IQCK: variants seen among roughly 807,000 people sequenced by gnomAD.
IQCK encodes IQ motif containing K, also known as IQ domain-containing protein K.
IQCK carries 29 observed loss-of-function variants against 28.1 expected under a neutral mutation model. The observed-to-expected ratio is 1.03, with a 90% CI of 0.77 to 1.41. IQCK has a LOEUF of 1.41. Ranked by LOEUF, IQCK falls within the 40% of genes most tolerant of loss-of-function variation. IQCK has a pLI of 0.00. For missense variants in IQCK, 359 were observed against 314.7 expected (o/e 1.14, Z -1.07); for synonymous variants, 113 against 115.1 (o/e 0.98, Z 0.12).
intron 4 of IQCK, 44 bp from the exon 5 acceptor site, chr16:19,763,804 T>G: frequency 7.1e-7 from 1 of 1,412,252 alleles, no homozygotes; most frequent in Non-Finnish European, 1.0e-6. Flanking sequence ...AAATCCATAG[T>G]GTTTAAGGGT....
intron 9 of IQCK, among the ~76,000 whole-genome samples, chr16:19,849,319 G>A (rs1425870446): frequency 1.3e-5 from 2 of 150,268 alleles, no homozygotes; most frequent in Non-Finnish European, 1.5e-5. Context: ...AGCAATAGAT[G>A]TAATTTTGGA....
Position 19,718,695 on chromosome 16 carries a change from T to G in IQCK, c.181+208T>G, listed in dbSNP as rs375015072. On this transcript the variant is annotated intron_variant, in intron 1 of 7. Transcript: ENST00000564186. ...TACGCAGCGCGGACTCCAATCGCGA[T>G]CCGTAGTGAGGTTAAAGGCAAGGGA... Among the ~76,000 whole-genome samples the G allele has an allele frequency of 5.9e-5, 9 of 152,222 alleles. No individual in the cohort carries two copies. In the South Asian group the frequency reaches 1.7e-3, roughly 28 times the overall value.
At chr16:19,855,909 A>T (rs1367237099) in intron 9 of IQCK, among the ~76,000 whole-genome samples, 1 of 152,310 alleles carries the variant, frequency 6.6e-6, no homozygotes, top group African/African-American at 2.4e-5. Flanking sequence ...CTGGGTTTCC[A>T]TATTTAATTG....
chr16:19,856,111 TGGGTGGCTGGAGAACA>T (rs2056556810), intron 9 of IQCK, among the ~76,000 whole-genome samples: 1 of 152,190 alleles, frequency 6.6e-6, no homozygotes, highest in South Asian at 2.1e-4. Flanking sequence ...TTTTCCATTT[TGGGTGGCTGGAGAACA>T]GGGTGTGTGG....
intron 1 of IQCK, among the ~76,000 whole-genome samples, chr16:19,719,836 G>A (rs1010829978): frequency 6.6e-6 from 1 of 151,658 alleles, no homozygotes; most frequent in Non-Finnish European, 1.5e-5. Context: ...ATCATTCCTG[G>A]CTAATTTTTT....
chr16:19,846,735 C>T (rs934978863), intron 9 of IQCK, among the ~76,000 whole-genome samples: 16 of 152,186 alleles, frequency 1.1e-4, no homozygotes, highest in African/African-American at 3.4e-4. Flanking sequence ...CTGACATTTA[C>T]GCCCTGAATG....
intron 7 of IQCK, among the ~76,000 whole-genome samples, chr16:19,808,832 T>G (rs560732219): frequency 4.9e-4 from 75 of 152,210 alleles, no homozygotes; most frequent in Admixed American, 9.8e-4. Context: ...TGCCTGGGGT[T>G]AGCACCAGCC....
At chr16:19,735,328 G>A (rs758161087) in intron 3 of IQCK, 25 bp from the exon 4 acceptor site, 2 of 1,548,980 alleles carry the variant, frequency 1.3e-6, no homozygotes, top group Non-Finnish European at 1.8e-6. Flanking sequence ...GATTTGCAGG[G>A]GGAATTTTTG....
chr16:19,778,846 T>C (rs1416898264), intron 6 of IQCK, among the ~76,000 whole-genome samples: 5 of 152,108 alleles, frequency 3.3e-5, no homozygotes, highest in Non-Finnish European at 4.4e-5. Flanking sequence ...CCAGACCTTG[T>C]AAATATATAT....
chr16:19,755,399 A>C (rs1243520978), intron 4 of IQCK, among the ~76,000 whole-genome samples: 1 of 152,228 alleles, frequency 6.6e-6, no homozygotes, highest in East Asian at 1.9e-4. Flanking sequence ...AACTAGTCCT[A>C]TCAGATTCTC....
chr16:19,839,074 A>G (rs2056333547), intron 9 of IQCK, among the ~76,000 whole-genome samples: 1 of 148,382 alleles, frequency 6.7e-6, no homozygotes, highest in Admixed American at 6.8e-5. Context: ...CTTTCAGGGG[A>G]GGAAACTGTG....
chr16:19,783,490 C>T (rs1422635133), intron 6 of IQCK, among the ~76,000 whole-genome samples: 1 of 152,124 alleles, frequency 6.6e-6, no homozygotes, highest in Admixed American at 6.6e-5. Context: ...CAGCTGTCTC[C>T]TTCTGTGATT....
chr16:19,849,186 A>G (rs1874569195), intron 9 of IQCK, among the ~76,000 whole-genome samples: 1 of 151,566 alleles, frequency 6.6e-6, no homozygotes. Context: ...TTGTATAGCA[A>G]TACAGGTATA....
intron 6 of IQCK, among the ~76,000 whole-genome samples, chr16:19,770,150 A>G (rs1331954957): frequency 1.3e-5 from 2 of 152,204 alleles, no homozygotes; most frequent in Non-Finnish European, 2.9e-5. Flanking sequence ...CCCACATTGA[A>G]TGTATGGATT....
intron 3 of IQCK, 175 bp downstream of exon 3, chr16:19,734,002 T>C: frequency 1.7e-6 from 1 of 573,836 alleles, no homozygotes; most frequent in Non-Finnish European, 3.0e-6. Flanking sequence ...ATCTTTAAGG[T>C]TAAAAATGTA....
At chr16:19,849,895 C>T (rs765783981) in intron 9 of IQCK, among the ~76,000 whole-genome samples, 5 of 152,168 alleles carry the variant, frequency 3.3e-5, no homozygotes, top group South Asian at 4.1e-4. Flanking sequence ...TCCATGCCCT[C>T]GTGCCATCCT....
chr16:19,725,962 C>T (rs1439373793), intron 1 of IQCK, among the ~76,000 whole-genome samples: 1 of 149,128 alleles, frequency 6.7e-6, no homozygotes, highest in East Asian at 2.0e-4. Context: ...GTCACCCAGG[C>T]TGGAGTGCAG....
chr16:19,752,775 G>T (rs563055760), intron 4 of IQCK, among the ~76,000 whole-genome samples: 1 of 152,126 alleles, frequency 6.6e-6, no homozygotes, highest in Non-Finnish European at 1.5e-5. Flanking sequence ...TGTTGGCCAG[G>T]CTGGTCTCGA....
chr16:19,768,015 C>CT (rs755206514), intron 6 of IQCK, among the ~76,000 whole-genome samples: 1,520 of 131,690 alleles, frequency 0.012, 12 homozygotes, highest in African/African-American at 0.015. Context: ...TTTTTTTTTG[C>CT]TTTTTTTTTT....
Sources: gnomAD v4.1 joint callset for allele counts (sites outside exome capture counted in the v4.1 genomes callset) on GRCh38, gnomAD v4.1.1 for gene constraint, MANE v1.5 for transcripts, NCBI Gene and HGNC (gene_info 2026-07-23, HGNC 2026-07-21) for gene names.